Variants in ATP10B observed in about 807,000 individuals in gnomAD.
ATP10B encodes the protein phospholipid-transporting ATPase VB.
A neutral mutation model predicts 141.2 loss-of-function variants in ATP10B; 122 were observed. The ratio of observed to expected loss-of-function variants is 0.86; its 90% CI spans 0.75 to 1.00. ATP10B has a LOEUF of 1.00. Among genes scored for constraint, ATP10B ranks in the 50% least tolerant of loss-of-function variants. The pLI is 0.00. For synonymous variants in ATP10B, 685 were observed against 692.0 expected (o/e 0.99, Z 0.16); for missense variants, 1,876 against 1,825.3 (o/e 1.03, Z -0.51).
chr5:160,878,117 AC>A, the ATP10B span, among the ~76,000 whole-genome samples: 1 of 149,196 alleles, frequency 6.7e-6, no homozygotes, highest in Non-Finnish European at 1.5e-5. Flanking sequence ...GCATCACACT[AC>A]CTGACTTCAA....
At chr5:160,819,787 T>C (rs1435549381) in intron 1 of ATP10B, among the ~76,000 whole-genome samples, 1 of 152,112 alleles carries the variant, frequency 6.6e-6, no homozygotes, top group Non-Finnish European at 1.5e-5. Context: ...TAAGACAGTA[T>C]TTGCAAGCCT....
chr5:160,910,512 A>G, the ATP10B span, among the ~76,000 whole-genome samples: 2 of 152,212 alleles, frequency 1.3e-5, no homozygotes, highest in Admixed American at 1.3e-4. Context: ...CCAACTGAAT[A>G]ATAAAAATAA....
In ATP10B at chr5:160,615,946, A is replaced by G; in HGVS notation, c.2545T>C (p.Phe849Leu). The G allele has an allele frequency of 6.2e-7, 1 of 1,613,884 alleles. No homozygotes were observed. The highest frequency in any genetic ancestry group is 8.5e-7 in the Non-Finnish European group (1 of 1,179,814). The part of the protein sequence containing the change: ...IAKKVVSEED[F>L]RRWASFRREA... ...CGCCGGAAACTGGCCCATCTCCGGA[A>G]GTCCTCTTCGCTTACAACCTATGGG... Residue 849 changes from phenylalanine to leucine, a missense_variant, in exon 17 of 26, where the codon TTC (phenylalanine) becomes CTC (leucine). Coordinates refer to ENST00000327245, the MANE Select transcript of ATP10B (RefSeq NM_025153.3).
chr5:160,746,915 G>A (rs970936469), intron 2 of ATP10B, among the ~76,000 whole-genome samples: 3 of 152,186 alleles, frequency 2.0e-5, no homozygotes, highest in Non-Finnish European at 2.9e-5. Context: ...TGAACCAATG[G>A]CTTTATAGCA....
intron 3 of ATP10B, among the ~76,000 whole-genome samples, chr5:160,714,721 C>T (rs2127773914): frequency 9.0e-6 from 1 of 110,548 alleles, no homozygotes; most frequent in East Asian, 2.7e-4. Flanking sequence ...TTTTTCTGTT[C>T]TGTTTTTTCC....
At chr5:160,863,661 A>G in the ATP10B span, among the ~76,000 whole-genome samples, 1 of 152,026 alleles carries the variant, frequency 6.6e-6, no homozygotes, top group Non-Finnish European at 1.5e-5. Flanking sequence ...TGAAACAAAA[A>G]ATGATTTCTT....
chr5:160,885,884 C>G, the ATP10B span, among the ~76,000 whole-genome samples: 1 of 152,304 alleles, frequency 6.6e-6, no homozygotes, highest in African/African-American at 2.4e-5. Flanking sequence ...AACTTAGATA[C>G]ACGTCCTCTT....
intron 1 of ATP10B, among the ~76,000 whole-genome samples, chr5:160,811,994 C>T (rs187246028): frequency 5.8e-4 from 81 of 139,568 alleles, no homozygotes; most frequent in African/African-American, 2.1e-3. Context: ...CAGCTCTGAA[C>T]AGAGAGACAG....
At chr5:160,793,486 A>G (rs1310001783) in intron 1 of ATP10B, among the ~76,000 whole-genome samples, 2 of 152,220 alleles carry the variant, frequency 1.3e-5, no homozygotes, top group Non-Finnish European at 2.9e-5. Context: ...TATATTGTAA[A>G]TACAGTCATA....
rs574424572 is a variant in ATP10B, at chr5:160,664,485, A to G, written c.675+5978T>C. On this transcript the variant is annotated intron_variant, in intron 7 of 25. Coordinates refer to ENST00000327245, the MANE Select transcript of ATP10B (RefSeq NM_025153.3). ...TGCAAGCTAGTCAAAAGGGAGACTC[A>G]ATGGAGAATTTTTAACCTGAGCAAC... Among the ~76,000 whole-genome samples, 3 of 152,338 alleles carry G rather than the reference A, an allele frequency of 2.0e-5. No individual in the cohort carries two copies. In the South Asian group the frequency reaches 6.2e-4, roughly 32 times the overall value.
At chr5:160,819,477 C>T (rs926858506) in intron 1 of ATP10B, among the ~76,000 whole-genome samples, 2 of 152,128 alleles carry the variant, frequency 1.3e-5, no homozygotes, top group African/African-American at 2.4e-5. Flanking sequence ...AATAAGAAAT[C>T]ATCCGAAGGT....
intron 2 of ATP10B, among the ~76,000 whole-genome samples, chr5:160,747,415 A>C (rs1437014129): frequency 6.6e-6 from 1 of 152,226 alleles, no homozygotes; most frequent in Non-Finnish European, 1.5e-5. Context: ...AATCCTCAAT[A>C]TTTATGAATG....
chr5:160,755,835 AAAAATATAT>A (rs1461970215), intron 2 of ATP10B, among the ~76,000 whole-genome samples: 22 of 78,916 alleles, frequency 2.8e-4, no homozygotes, highest in African/African-American at 8.5e-4. Flanking sequence ...AAAAAAAAAA[AAAAATATAT>A]ATATATATAT....
chr5:160,837,010 T>C (rs1432189024), intron 1 of ATP10B, among the ~76,000 whole-genome samples: 1 of 152,132 alleles, frequency 6.6e-6, no homozygotes, highest in Non-Finnish European at 1.5e-5. Context: ...CGACAACCCT[T>C]TGCGAAAATC....
intron 1 of ATP10B, among the ~76,000 whole-genome samples, chr5:160,791,157 CT>C (rs1238742115): frequency 2.6e-5 from 4 of 152,136 alleles, no homozygotes; most frequent in Admixed American, 1.3e-4. Flanking sequence ...AAATTTTCCC[CT>C]AGCACCTCTA....
intron 1 of ATP10B, among the ~76,000 whole-genome samples, chr5:160,832,326 T>C (rs1775141765): frequency 6.6e-6 from 1 of 152,016 alleles, no homozygotes; most frequent in Non-Finnish European, 1.5e-5. Context: ...CAGTAAGAAA[T>C]TGCCTGGATA....
At chr5:160,773,841 TC>T (rs71579120) in intron 2 of ATP10B, among the ~76,000 whole-genome samples, 26,098 of 152,112 alleles carry the variant, frequency 0.17, 2,680 homozygotes, top group East Asian at 0.38. Context: ...CACCCTGACC[TC>T]CTAGCTCCTT....
chr5:160,788,774 C>A (rs1771359232), intron 1 of ATP10B, among the ~76,000 whole-genome samples: 1 of 152,052 alleles, frequency 6.6e-6, no homozygotes, highest in Non-Finnish European at 1.5e-5. Context: ...TAGTTGTGTG[C>A]CTAAGGATAA....
At chr5:160,781,548 G>A (rs1284957295) in intron 2 of ATP10B, among the ~76,000 whole-genome samples, 1 of 152,044 alleles carries the variant, frequency 6.6e-6, no homozygotes, top group Non-Finnish European at 1.5e-5. Flanking sequence ...AGAAACTTAG[G>A]TAAGATCCTG....
Sources: allele counts gnomAD v4.1 joint callset (sites outside exome capture counted in the v4.1 genomes callset), GRCh38; gene constraint gnomAD v4.1.1; transcripts MANE v1.5; gene names NCBI Gene and HGNC (gene_info 2026-07-23, HGNC 2026-07-21).